Variants in CYP4X1 observed in about 807,000 individuals in gnomAD.
CYP4X1 encodes cytochrome P450 4X1.
CYP4X1 carries 44 observed loss-of-function variants against 57.9 expected under a neutral mutation model. The observed-to-expected ratio is 0.76, with a 90% CI of 0.60 to 0.98. The LOEUF is 0.98. Ranked by LOEUF, CYP4X1 falls within the 50% of genes least tolerant of loss-of-function variation. The pLI is 0.00. For synonymous variants in CYP4X1, 227 were observed against 228.6 expected, an observed-to-expected ratio of 0.99 and a Z score of 0.06; for missense variants, 532 against 623.9, an observed-to-expected ratio of 0.85 and a Z score of 1.57.
At chr1:46,999,491 A>G in the CYP4X1 span, among the ~76,000 whole-genome samples, 2 of 152,068 alleles carry the variant, frequency 1.3e-5, no homozygotes, top group Admixed American at 1.3e-4. Context: ...CTAGTGGTCT[A>G]TCAACTTTGT....
the CYP4X1 span, among the ~76,000 whole-genome samples, chr1:47,002,243 C>T: frequency 2.0e-5 from 3 of 152,368 alleles, no homozygotes; most frequent in East Asian, 3.9e-4. Context: ...TCCCATCACA[C>T]TGCACAGGAC....
At chr1:46,988,666 C>T in the CYP4X1 span, among the ~76,000 whole-genome samples, 4 of 152,146 alleles carry the variant, frequency 2.6e-5, no homozygotes, top group Admixed American at 6.5e-5. Context: ...TCCAGCAGCA[C>T]ATCAAAAAGC....
At chr1:46,962,270 C>T in the CYP4X1 span, among the ~76,000 whole-genome samples, 3 of 152,140 alleles carry the variant, frequency 2.0e-5, no homozygotes, top group African/African-American at 7.2e-5. Context: ...GTGCACACTG[C>T]CACGCCTGGC....
At chr1:47,006,044 G>A in the CYP4X1 span, among the ~76,000 whole-genome samples, 2 of 152,206 alleles carry the variant, frequency 1.3e-5, no homozygotes, top group Non-Finnish European at 2.9e-5. Context: ...ACTTTAAAAT[G>A]ATAGTGTCTA....
At chr1:46,963,949 A>T in the CYP4X1 span, among the ~76,000 whole-genome samples, 1 of 152,102 alleles carries the variant, frequency 6.6e-6, no homozygotes. Context: ...ATTTCTTTTT[A>T]TTCTTTTTTC....
intron 9 of CYP4X1, 139 bp from the exon 10 acceptor site, chr1:47,048,426 C>CT: frequency 1.1e-6 from 1 of 890,648 alleles, no homozygotes; most frequent in Non-Finnish European, 1.9e-6. Flanking sequence ...GTGCTCCTCA[C>CT]TGGTGTCATC....
At position 47,050,348 on chromosome 1, in the gene CYP4X1, T is replaced by C. The variant is rs1367406850; in HGVS notation, c.*174T>C. 4 of 631,560 alleles carry C rather than the reference T, an allele frequency of 6.3e-6. No homozygotes were observed. Among genetic ancestry groups the C allele is most frequent in the Non-Finnish European group, 1.1e-5 (4 of 373,956 alleles). The allele number at this position is 631,560 out of a possible 1,614,324, so 39.1% of individuals were successfully genotyped here. A position where few individuals can be genotyped will look rare whatever the true frequency, so the allele number is the denominator to read the frequency against. The stretch of plus-strand genomic sequence containing the variant: ...CTAGGTACACAGTGTGTCAGCTAGA[T>C]CTGTTTCTATATAACTTTGGGAGAT... On this transcript the variant is annotated 3_prime_UTR_variant, in exon 12 of 12. Coordinates refer to ENST00000371901, the MANE Select transcript of CYP4X1 (RefSeq NM_178033.2).
chr1:46,988,395 T>C, the CYP4X1 span, among the ~76,000 whole-genome samples: 1 of 152,082 alleles, frequency 6.6e-6, no homozygotes, highest in Non-Finnish European at 1.5e-5. Context: ...CAGTAATTAA[T>C]AGCCTACCAA....
the CYP4X1 span, among the ~76,000 whole-genome samples, chr1:46,993,464 C>G: frequency 1.9e-4 from 29 of 152,214 alleles, no homozygotes; most frequent in Non-Finnish European, 2.9e-4. Context: ...GGGATGGCTG[C>G]GTCAAATGGT....
chr1:46,972,228 T>C, the CYP4X1 span, among the ~76,000 whole-genome samples: 1 of 152,224 alleles, frequency 6.6e-6, no homozygotes, highest in Non-Finnish European at 1.5e-5. Context: ...TGGTTGGCTT[T>C]GTCGAAGATC....
At chr1:47,014,631 A>G in the CYP4X1 span, among the ~76,000 whole-genome samples, 1 of 152,210 alleles carries the variant, frequency 6.6e-6, no homozygotes, top group East Asian at 1.9e-4. Flanking sequence ...AACACATTTT[A>G]AACTTTGTTT....
the CYP4X1 span, among the ~76,000 whole-genome samples, chr1:47,011,053 A>G: frequency 6.6e-6 from 1 of 152,226 alleles, no homozygotes; most frequent in South Asian, 2.1e-4. Flanking sequence ...ATTAGAAAAT[A>G]CTACTTTAAA....
chr1:46,965,260 C>A, the CYP4X1 span, among the ~76,000 whole-genome samples: 1 of 152,182 alleles, frequency 6.6e-6, no homozygotes, highest in Non-Finnish European at 1.5e-5. Context: ...ACCTACTTTC[C>A]TGCACCCACT....
intron 1 of CYP4X1, among the ~76,000 whole-genome samples, chr1:47,028,447 T>C (rs926084446): frequency 6.6e-6 from 1 of 152,220 alleles, no homozygotes; most frequent in Non-Finnish European, 1.5e-5. Flanking sequence ...TAGCAGCACC[T>C]AGTTCATAGC....
chr1:47,003,772 C>T, the CYP4X1 span, among the ~76,000 whole-genome samples: 1 of 152,150 alleles, frequency 6.6e-6, no homozygotes, highest in African/African-American at 2.4e-5. Flanking sequence ...ACACCTCCCG[C>T]CAGGACCCAC....
At chr1:46,994,704 C>T in the CYP4X1 span, among the ~76,000 whole-genome samples, 5 of 152,180 alleles carry the variant, frequency 3.3e-5, no homozygotes, top group African/African-American at 4.8e-5. Flanking sequence ...AGGAAAGCTT[C>T]GTGAGCTGTC....
At chr1:47,011,091 C>T in the CYP4X1 span, among the ~76,000 whole-genome samples, 2 of 152,282 alleles carry the variant, frequency 1.3e-5, no homozygotes, top group South Asian at 2.1e-4. Flanking sequence ...AAACAGCCCG[C>T]ATTGCCAAGA....
the CYP4X1 span, among the ~76,000 whole-genome samples, chr1:46,989,546 G>T: frequency 8.8e-3 from 1,337 of 152,090 alleles, 5 homozygotes; most frequent in Middle Eastern, 0.031. Flanking sequence ...ATTAGAAAAA[G>T]CTACTTTAAA....
the CYP4X1 span, chr1:46,967,780 G>T: frequency 1.5e-6 from 2 of 1,355,742 alleles, no homozygotes; most frequent in Non-Finnish European, 2.0e-6. Flanking sequence ...CGGGATCCTG[G>T]TGGGATCAGG....
Sources: gnomAD v4.1 joint callset for allele counts (sites outside exome capture counted in the v4.1 genomes callset) on GRCh38, gnomAD v4.1.1 for gene constraint, MANE v1.5 for transcripts, NCBI Gene and HGNC (gene_info 2026-07-23, HGNC 2026-07-21) for gene names.